Variants in MIER2 observed in about 807,000 individuals in gnomAD.
The protein encoded by MIER2 is mesoderm induction early response protein 2.
In MIER2, 30 loss-of-function variants were observed where a neutral mutation model predicts 67.6. The observed-to-expected ratio is 0.44, with a 90% CI of 0.33 to 0.60. The LOEUF (loss-of-function observed/expected upper bound fraction) is 0.60. Among genes scored for constraint, MIER2 ranks in the 20% least tolerant of loss-of-function variants. The probability of loss-of-function intolerance (pLI) is 0.02; values close to 1 mark genes in which losing one functional copy is unlikely to be tolerated. For missense variants in MIER2, 702 were observed against 745.1 expected, an observed-to-expected ratio of 0.94 and a Z score of 0.67; for synonymous variants, 372 against 312.6, an observed-to-expected ratio of 1.19 and a Z score of -2.00.
chr19:310,377 G>A (rs901918339), intron 10 of MIER2, among the ~76,000 whole-genome samples: 24 of 152,212 alleles, frequency 1.6e-4, no homozygotes, highest in African/African-American at 5.8e-4. Context: ...CGCCACGAGG[G>A]AGCTCTTCTG....
chr19:316,799 T>G (rs1971254103), intron 7 of MIER2, among the ~76,000 whole-genome samples: 1 of 151,814 alleles, frequency 6.6e-6, no homozygotes, highest in Admixed American at 6.6e-5. Flanking sequence ...TGACACCTCA[T>G]CCCTACTAAA....
intron 2 of MIER2, among the ~76,000 whole-genome samples, chr19:334,879 C>T (rs1248753025): frequency 6.6e-6 from 1 of 152,186 alleles, no homozygotes; most frequent in African/African-American, 2.4e-5. Flanking sequence ...GTAGAAGGAG[C>T]AGCAGGACTC....
In MIER2 at chr19:308,419, T is replaced by C. The variant is rs891056599; in HGVS notation, c.1198+158A>G. Reference sequence around the variant, plus strand: ...TCCCAGCCAGGTGTACAGAGCGGCATCCACATCACGTGGCTGCCCTCCGCC... The same window carrying C: ...TCCCAGCCAGGTGTACAGAGCGGCACCCACATCACGTGGCTGCCCTCCGCC... On this transcript the variant is annotated intron_variant, in intron 12 of 13. Coordinates refer to ENST00000264819, the MANE Select transcript of MIER2 (RefSeq NM_017550.3). The surrounding 1 kb of genome is among the most constrained non-coding windows in gnomAD (Gnocchi z 9.1). Among the ~76,000 whole-genome samples the C allele has an allele frequency of 1.3e-5, 2 of 152,090 alleles. No individual in the cohort carries two copies. Among genetic ancestry groups the C allele is most frequent in the Non-Finnish European group, 2.9e-5 (2 of 67,992 alleles).
intron 1 of MIER2, among the ~76,000 whole-genome samples, chr19:341,096 C>T (rs1972479933): frequency 6.6e-6 from 1 of 152,176 alleles, no homozygotes; most frequent in Non-Finnish European, 1.5e-5. Context: ...GGAAAGCATC[C>T]TAAGTGACCT....
chr19:306,465 C>T lies in MIER2; in HGVS notation c.*225G>A, dbSNP rs1600101058. ...AGCGGCCCGGACCCGGGTGGCAGTG[C>T]CGGGCGCTGACGGCGCTGGGTGGGG... is the stretch of plus-strand genomic sequence containing the variant. On this transcript the variant is annotated 3_prime_UTR_variant, in exon 14 of 14. Transcript: ENST00000264819. The T allele has an allele frequency of 1.6e-6, 1 of 641,234 alleles. No individual in the cohort carries two copies. The highest frequency in any genetic ancestry group is 2.7e-6 in the Non-Finnish European group (1 of 374,846). 39.7% of individuals were successfully genotyped at this position (641,234 alleles called of 1,614,324 possible). A position where few individuals can be genotyped will look rare whatever the true frequency, so the allele number is the denominator to read the frequency against.
intron 1 of MIER2, among the ~76,000 whole-genome samples, chr19:338,055 C>A (rs1014868226): frequency 8.0e-5 from 12 of 149,356 alleles, no homozygotes; most frequent in Admixed American, 2.0e-4. Context: ...ACCTGTAGTC[C>A]CAGTTACTCG....
At chr19:317,668 T>C (rs1971311982) in intron 7 of MIER2, among the ~76,000 whole-genome samples, 1 of 148,962 alleles carries the variant, frequency 6.7e-6, no homozygotes. Context: ...AGGTGGAGGT[T>C]GCCGTGAAGT....
intron 1 of MIER2, among the ~76,000 whole-genome samples, 176 bp from the exon 2 acceptor site, chr19:336,349 C>T (rs985270872): frequency 2.6e-5 from 4 of 152,246 alleles, no homozygotes; most frequent in Non-Finnish European, 5.9e-5. Context: ...CGCATGTGGC[C>T]GCCACTCGCC....
intron 3 of MIER2, among the ~76,000 whole-genome samples, chr19:331,582 T>A (rs1351194171): frequency 2.0e-5 from 3 of 152,104 alleles, no homozygotes; most frequent in African/African-American, 7.2e-5. Flanking sequence ...GGCAGGAGCA[T>A]CCCTTGAGCC....
At chr19:343,475 G>A (rs183761515) in intron 1 of MIER2, among the ~76,000 whole-genome samples, 28 of 152,288 alleles carry the variant, frequency 1.8e-4, no homozygotes, top group Admixed American at 8.5e-4. Flanking sequence ...CCGGTGGTCT[G>A]GCCTAGTATC....
rs200483243 is a variant in MIER2 at position 309,798 on chromosome 19, A to G, written c.985-873T>C. On this transcript the variant is annotated intron_variant, in intron 10 of 13. Coordinates refer to ENST00000264819, the MANE Select transcript of MIER2 (RefSeq NM_017550.3). ...GAGACGAGAAGGGACACACACACAC[A>G]CACACAAGGCTTCAGGGAGACGAGA... is the stretch of plus-strand genomic sequence containing the variant. Among the ~76,000 whole-genome samples, 646 of 105,800 alleles carry G rather than the reference A, an allele frequency of 6.1e-3. 13 individuals are homozygous for G. The highest frequency in any genetic ancestry group is 0.016 in the African/African-American group (326 of 20,914). 69.4% of individuals were successfully genotyped at this position (105,800 alleles called of 152,430 possible). A position where few individuals can be genotyped will look rare whatever the true frequency, so the allele number is the denominator to read the frequency against.
In MIER2 at chr19:313,741, G is replaced by A. The variant is rs961896717; in HGVS notation, c.656-98C>T. 7 of 1,494,108 alleles carry A rather than the reference G, an allele frequency of 4.7e-6. No homozygotes were observed. In the African/African-American group the frequency reaches 5.5e-5, roughly 12 times the overall value. The allele number at this position is 1,494,108 out of a possible 1,614,324, so 92.6% of individuals were successfully genotyped here. A position where few individuals can be genotyped will look rare whatever the true frequency, so the allele number is the denominator to read the frequency against. On this transcript the variant is annotated intron_variant, in intron 7 of 13. Coordinates refer to ENST00000264819, the MANE Select transcript of MIER2 (RefSeq NM_017550.3). ...CAGCCAACTCAGCCCCTGACAGGGA[G>A]GAGGCACTGTCCGTCCTCCCTTTCC...
intron 7 of MIER2, among the ~76,000 whole-genome samples, chr19:325,266 T>C (rs62103704): frequency 0.43 from 65,642 of 152,156 alleles, 15,499 homozygotes; most frequent in East Asian, 0.67. Flanking sequence ...CAGCGCAGCA[T>C]CCGGCGGGTC....
At position 308,591 on chromosome 19, in the gene MIER2, G is replaced by A. The variant is rs745890623; in HGVS notation, c.1184C>T (p.Thr395Ile). The change falls in exon 12 of 14, where the codon ACT becomes ATT. Residue 395 changes from threonine (T) to isoleucine (I), a missense_variant. Thr to Ile is a moderately conservative substitution (Grantham distance 89). This residue lies in a region of MIER2 where 254 missense variants were observed against 262.8 expected (regional missense o/e 0.97). Transcript: ENST00000264819. The surrounding 1 kb of genome is among the most constrained non-coding windows in gnomAD (Gnocchi z 9.1). ...CCAAGCCTCACCTGTGCGCATCCCA[G>A]TCAGGGTGTCTTGCTCCGGGCGCGG... The part of the protein sequence containing the change: ...GRPRPEQDTL[T>I]GMRTDPLSVD... The A allele has an allele frequency of 1.9e-6, 3 of 1,605,074 alleles. No individual in the cohort carries two copies. The highest frequency in any genetic ancestry group is 2.2e-5 in the East Asian group (1 of 44,568).
chr19:307,340 G>C lies in MIER2; in HGVS notation c.1395C>G (p.Asp465Glu), dbSNP rs370482286. 3 of 1,603,794 alleles carry C rather than the reference G, an allele frequency of 1.9e-6. No individual in the cohort carries two copies. Among genetic ancestry groups the C allele is most frequent in the South Asian group, 1.1e-5 (1 of 89,014 alleles). ...AGTCCACGGCCAGCCTTGGGCTGGCGTCTGGCTCCGGAGCAGTGACAGCTG... is the reference window on the plus strand; with the variant it reads ...AGTCCACGGCCAGCCTTGGGCTGGCCTCTGGCTCCGGAGCAGTGACAGCTG... The part of the protein sequence containing the change: ...YQPAVTAPEP[D>E]ASPRLAVDFA... The change falls in exon 13 of 14, where the codon GAC becomes GAG. Residue 465 changes from aspartate (D) to glutamate (E), a missense_variant. This residue lies in a region of MIER2 where 254 missense variants were observed against 262.8 expected (regional missense o/e 0.97). Coordinates refer to ENST00000264819, the MANE Select transcript of MIER2 (RefSeq NM_017550.3).
intron 1 of MIER2, among the ~76,000 whole-genome samples, chr19:337,588 C>T (rs553620534): frequency 2.0e-5 from 3 of 152,034 alleles, no homozygotes; most frequent in Non-Finnish European, 2.9e-5. Flanking sequence ...GTAAGGAAGC[C>T]GGGCACGGTG....
At chr19:319,705 C>A (rs946115271) in intron 7 of MIER2, among the ~76,000 whole-genome samples, 3 of 152,118 alleles carry the variant, frequency 2.0e-5, no homozygotes, top group Admixed American at 2.0e-4. Context: ...GATCCGCCCA[C>A]CCCAGCCTCC....
intron 4 of MIER2, 144 bp downstream of exon 4, chr19:327,720 C>A: frequency 7.4e-7 from 1 of 1,351,380 alleles, no homozygotes; most frequent in Admixed American, 2.8e-5. Context: ...CCATTCCAAC[C>A]CCAGGGTAGT....
chr19:306,473 T>C lies in MIER2; in HGVS notation c.*217A>G. 3.0e-6 allele frequency: 2 copies of C among 663,942 alleles called. No homozygotes were observed. Among genetic ancestry groups the C allele is most frequent in the Non-Finnish European group, 5.1e-6 (2 of 395,038 alleles). The allele number at this position is 663,942 out of a possible 1,614,324, so 41.1% of individuals were successfully genotyped here. On this transcript the variant is annotated 3_prime_UTR_variant, in exon 14 of 14. Transcript: ENST00000264819. ...GGACCCGGGTGGCAGTGCCGGGCGC[T>C]GACGGCGCTGGGTGGGGCCGTGGGT...
Sources: gnomAD v4.1 joint callset for allele counts (sites outside exome capture counted in the v4.1 genomes callset) on GRCh38, gnomAD v4.1.1 for gene constraint, gnomAD v4.1.1 regional missense constraint, Gnocchi (gnomAD v3.1) non-coding constraint, MANE v1.5 for transcripts, NCBI Gene and HGNC (gene_info 2026-07-23, HGNC 2026-07-21) for gene names.